Variants in CEP112 observed in about 807,000 individuals in gnomAD.
The protein encoded by CEP112 is centrosomal protein of 112 kDa.
In CEP112, 127 loss-of-function variants were observed where a neutral mutation model predicts 153.0. The ratio of observed to expected loss-of-function variants is 0.83; its 90% confidence interval spans 0.72 to 0.96. The LOEUF is 0.96. Ranked by LOEUF, CEP112 falls within the 40% of genes least tolerant of loss-of-function variation. The pLI is 0.00. For synonymous variants in CEP112, 358 were observed against 374.4 expected (o/e 0.96, Z 0.51); for missense variants, 1,089 against 1,101.2 (o/e 0.99, Z 0.16).
rs530562484 is a variant in CEP112, at chr17:65,803,558, C to A, written c.2394+48246G>T. 9.2e-5 allele frequency among the ~76,000 whole-genome samples: 14 copies of A among 152,256 alleles called. No individual in the cohort carries two copies. The South Asian group carries it at 1.9e-3, about 20-fold the overall frequency. On this transcript the variant is annotated intron_variant, in intron 21 of 26. Coordinates refer to ENST00000535342, the MANE Select transcript of CEP112 (RefSeq NM_001199165.4). The stretch of plus-strand genomic sequence containing the variant: ...ATGAACATACATCTAGCAAGGAAGT[C>A]CTTTCTCCAAATACCTTAGGTGTTA...
chr17:65,850,409 C>G (rs915987014), intron 21 of CEP112, among the ~76,000 whole-genome samples: 1 of 152,064 alleles, frequency 6.6e-6, no homozygotes, highest in South Asian at 2.1e-4. Context: ...CTTCCCACCC[C>G]CCAGCATATT....
intron 12 of CEP112, among the ~76,000 whole-genome samples, chr17:66,033,306 A>C (rs1568408884): frequency 6.6e-6 from 1 of 152,222 alleles, no homozygotes; most frequent in Non-Finnish European, 1.5e-5. Context: ...TGTAAAAGTC[A>C]CACAGAATGA....
chr17:66,101,394 G>A (rs1214840480), intron 6 of CEP112, among the ~76,000 whole-genome samples: 1 of 151,862 alleles, frequency 6.6e-6, no homozygotes, highest in Non-Finnish European at 1.5e-5. Context: ...CCATTCAGTA[G>A]ACTCTATTAG....
chr17:66,074,939 C>A (rs1307594782), intron 8 of CEP112, among the ~76,000 whole-genome samples: 4 of 141,352 alleles, frequency 2.8e-5, no homozygotes, highest in Admixed American at 7.0e-5. Flanking sequence ...TTCAGAGAAA[C>A]AACAGGCTCC....
chr17:65,659,930 G>T (rs2046259994), intron 24 of CEP112, among the ~76,000 whole-genome samples: 1 of 152,144 alleles, frequency 6.6e-6, no homozygotes, highest in African/African-American at 2.4e-5. Flanking sequence ...AGATGGATGA[G>T]AGGAAGAAAA....
At chr17:65,947,928 C>A (rs1352241072) in intron 18 of CEP112, among the ~76,000 whole-genome samples, 2 of 151,928 alleles carry the variant, frequency 1.3e-5, no homozygotes, top group African/African-American at 4.8e-5. Flanking sequence ...CTAATACAAG[C>A]CTAAAAGGAC....
At chr17:66,134,883 C>T (rs1272540794) in intron 4 of CEP112, among the ~76,000 whole-genome samples, 1 of 152,156 alleles carries the variant, frequency 6.6e-6, no homozygotes, top group African/African-American at 2.4e-5. Flanking sequence ...TCAGAGATCT[C>T]CTTCACAATA....
At chr17:65,868,934 T>C (rs1342604932) in intron 20 of CEP112, among the ~76,000 whole-genome samples, 2 of 152,240 alleles carry the variant, frequency 1.3e-5, no homozygotes, top group East Asian at 1.9e-4. Context: ...ACATTTCTTA[T>C]AGTATTTTTA....
Position 66,141,527 on chromosome 17 carries a change from T to A in CEP112, c.471-8764A>T, listed in dbSNP as rs961820797. ...ACTTCTAGAACGTTTTCATCTTCTG[T>A]AGCTGAAATTTTATATGCATTGAAC... On this transcript the variant is annotated intron_variant, in intron 4 of 26. Transcript: ENST00000535342. 3.3e-5 allele frequency among the ~76,000 whole-genome samples: 5 copies of A among 152,170 alleles called. No homozygotes were observed. The South Asian group carries it at 1.0e-3, about 31-fold the overall frequency.
At chr17:65,917,499 C>G (rs1001622550) in intron 19 of CEP112, among the ~76,000 whole-genome samples, 2 of 152,144 alleles carry the variant, frequency 1.3e-5, no homozygotes, top group East Asian at 3.9e-4. Context: ...TTTACGAAGT[C>G]TTTCTACTTG....
intron 8 of CEP112, among the ~76,000 whole-genome samples, chr17:66,076,526 CT>C (rs2067504984): frequency 6.6e-6 from 1 of 152,138 alleles, no homozygotes; most frequent in South Asian, 2.1e-4. Flanking sequence ...AACCTCACCC[CT>C]ATCCCCCACA....
intron 8 of CEP112, among the ~76,000 whole-genome samples, 181 bp from the exon 9 acceptor site, chr17:66,070,182 A>G (rs1474932903): frequency 1.3e-5 from 2 of 152,178 alleles, no homozygotes; most frequent in Non-Finnish European, 2.9e-5. Flanking sequence ...TCCTCTAATT[A>G]CTTTCAAACT....
At chr17:66,184,866 CTG>C (rs1450937367) in intron 1 of CEP112, among the ~76,000 whole-genome samples, 1 of 152,144 alleles carries the variant, frequency 6.6e-6, no homozygotes, top group African/African-American at 2.4e-5. Flanking sequence ...ACTAGATAAA[CTG>C]TGGCATATCC....
At chr17:66,158,860 A>G (rs2071567446) in intron 4 of CEP112, among the ~76,000 whole-genome samples, 1 of 152,214 alleles carries the variant, frequency 6.6e-6, no homozygotes, top group Non-Finnish European at 1.5e-5. Flanking sequence ...TCAGAGCAGA[A>G]CTGAAGGAGA....
chr17:65,837,967 C>T (rs1473599616), intron 21 of CEP112, among the ~76,000 whole-genome samples: 1 of 152,134 alleles, frequency 6.6e-6, no homozygotes, highest in African/African-American at 2.4e-5. Context: ...CGGCAGGGCC[C>T]TCTGCCTAGG....
At chr17:65,845,445 C>T (rs1294882675) in intron 21 of CEP112, among the ~76,000 whole-genome samples, 1 of 152,126 alleles carries the variant, frequency 6.6e-6, no homozygotes, top group African/African-American at 2.4e-5. Flanking sequence ...CTTTAAAAAG[C>T]AAGAGATCAA....
chr17:65,954,629 G>A (rs1482967093), intron 18 of CEP112, among the ~76,000 whole-genome samples: 1 of 152,010 alleles, frequency 6.6e-6, no homozygotes, highest in Non-Finnish European at 1.5e-5. Context: ...GAATACAAAA[G>A]AAGAGTTCTT....
Position 65,984,188 on chromosome 17 carries a change from A to T in CEP112, c.1736+21502T>A, listed in dbSNP as rs75068869. Among the ~76,000 whole-genome samples the T allele has an allele frequency of 2.6e-3, 76 of 29,194 alleles. 1 individual carries two copies. The highest frequency in any genetic ancestry group is 0.023 in the Middle Eastern group (1 of 44). The allele number at this position is 29,194 out of a possible 152,430, so 19.2% of individuals were successfully genotyped here. ...AAACCTAAATCCAAGGGTTTTTTTTAAACTGGCTGCTTATTATTGATTTCT... is the reference window on the plus strand; with the variant it reads ...AAACCTAAATCCAAGGGTTTTTTTTTAACTGGCTGCTTATTATTGATTTCT... On this transcript the variant is annotated intron_variant, in intron 17 of 26. Coordinates refer to ENST00000535342, the MANE Select transcript of CEP112 (RefSeq NM_001199165.4).
At chr17:65,700,106 C>T (rs1598346525) in intron 23 of CEP112, among the ~76,000 whole-genome samples, 1 of 150,746 alleles carries the variant, frequency 6.6e-6, no homozygotes, top group Non-Finnish European at 1.5e-5. Flanking sequence ...CCTCTTCCTC[C>T]TCCTCCTCCT....
Sources: gnomAD v4.1 joint callset for allele counts (sites outside exome capture counted in the v4.1 genomes callset) on GRCh38, gnomAD v4.1.1 for gene constraint, MANE v1.5 for transcripts, NCBI Gene and HGNC (gene_info 2026-07-23, HGNC 2026-07-21) for gene names.